ANGPT2: variants seen among roughly 807,000 people sequenced by gnomAD.
The protein encoded by ANGPT2 is angiopoietin-2.
Under a neutral mutation model 62.9 loss-of-function variants are expected in ANGPT2, and 28 were observed. The observed-to-expected ratio is 0.44, with a 90% CI of 0.33 to 0.61. ANGPT2 has a LOEUF of 0.61. Ranked by LOEUF, ANGPT2 falls within the 20% of genes least tolerant of loss-of-function variation. The pLI is 0.03. For synonymous variants in ANGPT2, 284 were observed against 207.8 expected, an observed-to-expected ratio of 1.37 and a Z score of -3.15; for missense variants, 727 against 594.9, an observed-to-expected ratio of 1.22 and a Z score of -2.31.
intron 5 of ANGPT2, among the ~76,000 whole-genome samples, chr8:6,515,991 C>G (rs1816197363): frequency 6.6e-6 from 1 of 152,192 alleles, no homozygotes; most frequent in African/African-American, 2.4e-5. Flanking sequence ...AACCAGAGAA[C>G]TGTCCCTGGA....
At chr8:6,523,991 C>G (rs759594587) in intron 3 of ANGPT2, among the ~76,000 whole-genome samples, 2 of 151,826 alleles carry the variant, frequency 1.3e-5, no homozygotes, top group Non-Finnish European at 2.9e-5. Context: ...GCAGGAAAAG[C>G]AGCAACTAAA....
chr8:6,516,862 A>G (rs1563329213), intron 5 of ANGPT2, among the ~76,000 whole-genome samples: 1 of 152,220 alleles, frequency 6.6e-6, no homozygotes, highest in Non-Finnish European at 1.5e-5. Context: ...TTATCTTGTT[A>G]TGGAAGTCAG....
chr8:6,532,178 G>C (rs1819647201), intron 2 of ANGPT2, among the ~76,000 whole-genome samples, 154 bp downstream of exon 2: 1 of 152,104 alleles, frequency 6.6e-6, no homozygotes, highest in Non-Finnish European at 1.5e-5. Context: ...TTCATAAGCA[G>C]CCATACATCC....
intron 1 of ANGPT2, among the ~76,000 whole-genome samples, chr8:6,540,126 G>T (rs1821273135): frequency 6.6e-6 from 1 of 152,120 alleles, no homozygotes. Flanking sequence ...CTGTGCTCTG[G>T]CAAATCCTAT....
At position 6,500,222 on chromosome 8, in the gene ANGPT2, TA is replaced by T. The variant is rs1811882340; in HGVS notation, c.*2878del. ...AAAAAAGACTGAATTCTTGGGCAGG[TA>T]GTCTTATATCTTGCTTAATGTTTTT... is the stretch of plus-strand genomic sequence containing the variant. On this transcript the variant is annotated 3_prime_UTR_variant, in exon 9 of 9. Coordinates refer to ENST00000629816, the MANE Select transcript of ANGPT2 (RefSeq NM_001118887.2). 1 of 399,706 alleles carries T rather than the reference TA, an allele frequency of 2.5e-6. No individual in the cohort carries two copies. The highest frequency in any genetic ancestry group is 5.5e-5 in the East Asian group (1 of 18,116). The allele number at this position is 399,706 out of a possible 1,614,324, so 24.8% of individuals were successfully genotyped here.
chr8:6,507,950 C>T (rs1814119665), intron 8 of ANGPT2: 1 of 152,132 alleles, frequency 6.6e-6, no homozygotes, highest in Admixed American at 6.5e-5. Context: ...AATACCAACC[C>T]ATCTGTTTTA....
Position 6,499,842 on chromosome 8 carries a change from T to A in ANGPT2, c.*3259A>T. The A allele has an allele frequency of 6.2e-7, 1 of 1,612,304 alleles. No individual in the cohort carries two copies. The highest frequency in any genetic ancestry group is 8.5e-7 in the Non-Finnish European group (1 of 1,179,360). On this transcript the variant is annotated 3_prime_UTR_variant, in exon 9 of 9. Transcript: ENST00000629816. ...ATGTATAATAAATCTGCTTGTTGTG[T>A]CACTTGCAGGTGCTATGGTCTTTAG...
chr8:6,540,493 G>T (rs1821343152), intron 1 of ANGPT2, among the ~76,000 whole-genome samples: 1 of 152,230 alleles, frequency 6.6e-6, no homozygotes. Flanking sequence ...ATATTTACCA[G>T]ATGTCTGTGA....
chr8:6,558,500 A>C (rs3020235), intron 1 of ANGPT2, among the ~76,000 whole-genome samples: 20,671 of 152,160 alleles, frequency 0.14, 3,901 homozygotes, highest in African/African-American at 0.43. Context: ...CTGATCACCA[A>C]TGGTAAGACC....
At position 6,505,522 on chromosome 8, in the gene ANGPT2, T is replaced by A. The variant is rs10663710; in HGVS notation, c.1328-2261A>T. ...ATATATGTATATATAGAATATATAT[T>A]CTTTATATATGTATATATAGAATAT... On this transcript the variant is annotated intron_variant, in intron 8 of 8. Coordinates refer to ENST00000629816, the MANE Select transcript of ANGPT2 (RefSeq NM_001118887.2). Among the ~76,000 whole-genome samples, 20 of 3,092 alleles carry A rather than the reference T, an allele frequency of 6.5e-3. 1 individual carries two copies. Among genetic ancestry groups the A allele is most frequent in the East Asian group, 0.017 (2 of 118 alleles). The allele number at this position is 3,092 out of a possible 152,430, so 2.0% of individuals were successfully genotyped here. A position where few individuals can be genotyped will look rare whatever the true frequency, so the allele number is the denominator to read the frequency against.
At chr8:6,513,942 A>G (rs890253913) in intron 6 of ANGPT2, 98 bp from the exon 7 acceptor site, 7 of 1,169,022 alleles carry the variant, frequency 6.0e-6, no homozygotes, top group African/African-American at 3.2e-5. Flanking sequence ...TAACTATCAA[A>G]TAGCAGAAAT....
intron 8 of ANGPT2, among the ~76,000 whole-genome samples, chr8:6,505,332 TAGAAA>T (rs1813244952): frequency 1.8e-5 from 1 of 56,958 alleles, no homozygotes; most frequent in Non-Finnish European, 3.0e-5. Flanking sequence ...TATATACATA[TAGAAA>T]GAATATATAT....
Position 6,533,439 on chromosome 8 carries a change from T to C in ANGPT2, c.289-952A>G, listed in dbSNP as rs558033545. Among the ~76,000 whole-genome samples, 4 of 152,266 alleles carry C rather than the reference T, an allele frequency of 2.6e-5. No individual in the cohort carries two copies. The South Asian group carries it at 8.3e-4, about 32-fold the overall frequency. Reference sequence around the variant, plus strand: ...TGGTTCTAGGAAAGTTGCTTAACCTTTTGGGACCCTAGTTTCCTCATATGT... The same window carrying C: ...TGGTTCTAGGAAAGTTGCTTAACCTCTTGGGACCCTAGTTTCCTCATATGT... On this transcript the variant is annotated intron_variant, in intron 1 of 8. Transcript: ENST00000629816.
intron 1 of ANGPT2, among the ~76,000 whole-genome samples, chr8:6,538,403 A>AATCC (rs567465410): frequency 2.6e-5 from 4 of 152,284 alleles, no homozygotes; most frequent in Non-Finnish European, 5.9e-5. Flanking sequence ...CAGAGTCAGG[A>AATCC]ATCCACATGC....
intron 1 of ANGPT2, among the ~76,000 whole-genome samples, chr8:6,549,739 C>G (rs145307382): frequency 6.6e-6 from 1 of 151,820 alleles, no homozygotes; most frequent in African/African-American, 2.4e-5. Flanking sequence ...TGAGGAGGGG[C>G]GTGAGGGAGC....
intron 7 of ANGPT2, among the ~76,000 whole-genome samples, chr8:6,509,512 T>A (rs1437996419): frequency 4.6e-5 from 7 of 152,198 alleles, no homozygotes; most frequent in Admixed American, 1.3e-4. Context: ...GAATGGCCAC[T>A]GAGTTTGGGG....
At chr8:6,551,829 C>G (rs139722710) in intron 1 of ANGPT2, among the ~76,000 whole-genome samples, 1 of 152,154 alleles carries the variant, frequency 6.6e-6, no homozygotes, top group African/African-American at 2.4e-5. Flanking sequence ...AATACAATAA[C>G]GTACTTTCTC....
intron 1 of ANGPT2, among the ~76,000 whole-genome samples, chr8:6,550,249 T>A (rs1823393356): frequency 6.6e-6 from 1 of 152,168 alleles, no homozygotes; most frequent in African/African-American, 2.4e-5. Context: ...GCGGCGTCAC[T>A]GATGCGCAGC....
intron 1 of ANGPT2, 74 bp from the exon 2 acceptor site, chr8:6,532,561 TCCTC>T: frequency 1.1e-6 from 1 of 933,756 alleles, no homozygotes; most frequent in Non-Finnish European, 1.5e-6. Flanking sequence ...GTTTGTCGTC[TCCTC>T]CCTATCTTTA....
Sources: allele counts gnomAD v4.1 joint callset (sites outside exome capture counted in the v4.1 genomes callset), GRCh38; gene constraint gnomAD v4.1.1; transcripts MANE v1.5; gene names NCBI Gene and HGNC (gene_info 2026-07-23, HGNC 2026-07-21).